The following TRIM25 variants were observed in gnomAD, a reference collection of about 807,000 sequenced individuals.
TRIM25 encodes tripartite motif containing 25, also known as E3 ubiquitin/ISG15 ligase TRIM25.
TRIM25 carries 45 observed loss-of-function variants against 65.2 expected under a neutral mutation model. The ratio of observed to expected loss-of-function variants is 0.69; its 90% confidence interval spans 0.54 to 0.89. The LOEUF is 0.89. Among genes scored for constraint, TRIM25 ranks in the 40% least tolerant of loss-of-function variants. TRIM25 has a pLI of 0.00. For synonymous variants in TRIM25, 321 were observed against 340.4 expected, an observed-to-expected ratio of 0.94 and a Z score of 0.63; for missense variants, 714 against 803.7, an observed-to-expected ratio of 0.89 and a Z score of 1.35.
rs181795303 is a variant in TRIM25, at chr17:56,889,989, T to C, written c.*1711A>G. 1.4e-4 allele frequency: 55 copies of C among 403,042 alleles called. No individual in the cohort carries two copies. Among genetic ancestry groups the C allele is most frequent in the Non-Finnish European group, 6.1e-5 (14 of 228,566 alleles). 25.0% of individuals were successfully genotyped at this position (403,042 alleles called of 1,614,324 possible). On this transcript the variant is annotated 3_prime_UTR_variant, in exon 9 of 9. Transcript: ENST00000316881. ...TAGGAGATGACACCGATCAGGTATG[T>C]ACCTGCATGTCAGGTGTGTAGCTGT...
At position 56,895,346 on chromosome 17, in the gene TRIM25, C is replaced by G; in HGVS notation, c.1360G>C (p.Glu454Gln). ...CACCAGCCCCGAAGCTACTCACACTCCAGGAGCTCAGGTCTGGACTTGGCC... is the reference window on the plus strand; with the variant it reads ...CACCAGCCCCGAAGCTACTCACACTGCAGGAGCTCAGGTCTGGACTTGGCC... ...FLAKSRPELL[E>Q]YYIKVILDYN... The change falls in exon 8 of 9, where the codon GAG becomes CAG. Residue 454 changes from glutamate to glutamine, a missense_variant. Physicochemically the swap from Glu to Gln is conservative, Grantham distance 29 (BLOSUM62 2). Coordinates refer to ENST00000316881, the MANE Select transcript of TRIM25 (RefSeq NM_005082.5). 1.2e-6 allele frequency: 2 copies of G among 1,613,682 alleles called. No homozygotes were observed. The highest frequency in any genetic ancestry group is 1.7e-6 in the Non-Finnish European group (2 of 1,179,720).
intron 1 of TRIM25, among the ~76,000 whole-genome samples, chr17:56,909,298 G>A (rs768925147): frequency 2.0e-5 from 3 of 152,072 alleles, no homozygotes; most frequent in Non-Finnish European, 4.4e-5. Context: ...CCCAGAACAA[G>A]GCTGGGAGCC....
chr17:56,892,254 T>C, intron 8 of TRIM25, 25 bp from the exon 9 acceptor site: 1 of 1,564,292 alleles, frequency 6.4e-7, no homozygotes, highest in Non-Finnish European at 8.7e-7. Flanking sequence ...CCCCAAGGAA[T>C]TAATTACAAG....
chr17:56,900,858 T>C (rs1909396327), intron 4 of TRIM25, among the ~76,000 whole-genome samples: 1 of 152,168 alleles, frequency 6.6e-6, no homozygotes, highest in Admixed American at 6.6e-5. Flanking sequence ...TCCCAGGACA[T>C]GAGCTCTGCA....
intron 3 of TRIM25, among the ~76,000 whole-genome samples, chr17:56,902,834 G>A (rs993943665): frequency 2.6e-5 from 4 of 152,278 alleles, no homozygotes; most frequent in South Asian, 4.1e-4. Flanking sequence ...TGTTCGTGTC[G>A]TGGGGGTGGA....
At chr17:56,896,510 A>G (rs1386952295) in intron 5 of TRIM25, among the ~76,000 whole-genome samples, 2 of 151,870 alleles carry the variant, frequency 1.3e-5, no homozygotes, top group East Asian at 3.9e-4. Context: ...AAAAAAAAAA[A>G]AAAGAAAAAA....
Position 56,888,494 on chromosome 17 carries a change from GTTTCT to G in TRIM25, c.*3201_*3205del, listed in dbSNP as rs1909102205. ...CCCATTGCTGGCCTGAACTATTTTTGTTTCTTTTTTTTTTTTAAAGCTTTTTATTA... is the reference window on the plus strand; with the variant it reads ...CCCATTGCTGGCCTGAACTATTTTTGTTTTTTTTTTTAAAGCTTTTTATTA... On this transcript the variant is annotated 3_prime_UTR_variant, in exon 9 of 9. Transcript: ENST00000316881. 1 of 106,366 alleles carries G rather than the reference GTTTCT, an allele frequency of 9.4e-6. No individual in the cohort carries two copies. Among genetic ancestry groups the G allele is most frequent in the South Asian group, 2.7e-4 (1 of 3,752 alleles). 6.6% of individuals were successfully genotyped at this position (106,366 alleles called of 1,614,324 possible). A position where few individuals can be genotyped will look rare whatever the true frequency, so the allele number is the denominator to read the frequency against.
At chr17:56,904,585 T>C (rs1451458568) in intron 2 of TRIM25, 97 bp from the exon 3 acceptor site, 16 of 1,108,454 alleles carry the variant, frequency 1.4e-5, no homozygotes, top group Non-Finnish European at 2.1e-5. Flanking sequence ...CAGGAACTCT[T>C]ACCTGTACTT....
intron 4 of TRIM25, among the ~76,000 whole-genome samples, chr17:56,900,764 G>T (rs1909394467): frequency 6.6e-6 from 1 of 152,230 alleles, no homozygotes. Flanking sequence ...AACAGGGCTT[G>T]ACCTGGCATC....
At chr17:56,911,237 C>T (rs1161493547) in intron 1 of TRIM25, among the ~76,000 whole-genome samples, 1 of 151,892 alleles carries the variant, frequency 6.6e-6, no homozygotes, top group Non-Finnish European at 1.5e-5. Context: ...TACTGTAGTC[C>T]AGCCTGGGTG....
intron 3 of TRIM25, among the ~76,000 whole-genome samples, chr17:56,902,776 C>T (rs149859961): frequency 3.2e-4 from 48 of 152,300 alleles, no homozygotes; most frequent in Middle Eastern, 6.8e-3. Flanking sequence ...CTCCAAATCT[C>T]ATGTTGGAAT....
chr17:56,909,328 A>G (rs561966806), intron 1 of TRIM25, among the ~76,000 whole-genome samples: 1 of 152,266 alleles, frequency 6.6e-6, no homozygotes, highest in Admixed American at 6.5e-5. Context: ...CTCACAGGGC[A>G]GGGAGACAGA....
At chr17:56,907,973 G>A (rs1909552837) in intron 2 of TRIM25, among the ~76,000 whole-genome samples, 1 of 152,208 alleles carries the variant, frequency 6.6e-6, no homozygotes, top group Admixed American at 6.5e-5. Context: ...AAGAAGCAAA[G>A]AAGGGTTCTC....
intron 3 of TRIM25, 57 bp downstream of exon 3, chr17:56,904,198 C>T (rs1271358637): frequency 6.8e-7 from 1 of 1,466,650 alleles, no homozygotes; most frequent in Non-Finnish European, 9.4e-7. Flanking sequence ...TCATCAACAG[C>T]ATGACATCAG....
At position 56,896,397 on chromosome 17, in the gene TRIM25, G is replaced by C. The variant is rs1483105488; in HGVS notation, c.1154-445C>G. ...CTGGGCGCATGGTGGCTCATGCCTG[G>C]AATCCCAGCAATTTGGGAGGCCAAG... On this transcript the variant is annotated intron_variant, in intron 5 of 8. Coordinates refer to ENST00000316881, the MANE Select transcript of TRIM25 (RefSeq NM_005082.5). Among the ~76,000 whole-genome samples, 3 of 151,184 alleles carry C rather than the reference G, an allele frequency of 2.0e-5. No homozygotes were observed. In the East Asian group the frequency reaches 5.8e-4, roughly 29 times the overall value.
In TRIM25 at chr17:56,913,693, G is replaced by T; in HGVS notation, c.296C>A (p.Pro99His). ...GCAGGCCACCTGGGCATTCGGGCTG[G>T]GTGCAGAGGCGCGGGCGGGCGGCGT... Reference protein sequence around the residue: ...VWTPPARASAPSPNAQVACDH... With the variant: ...VWTPPARASAHSPNAQVACDH... Residue 99 changes from proline (P) to histidine (H), a missense_variant, in exon 1 of 9, where the codon CCC becomes CAC. This residue lies in a region of TRIM25 where 291 missense variants were observed against 281.8 expected (regional missense o/e 1.03). Transcript: ENST00000316881. This position sits in a 1 kb window ranked among gnomAD's most constrained non-coding sequence, Gnocchi z 6.1. The T allele has an allele frequency of 6.3e-7, 1 of 1,582,468 alleles. No individual in the cohort carries two copies. The highest frequency in any genetic ancestry group is 8.6e-7 in the Non-Finnish European group (1 of 1,164,468).
intron 6 of TRIM25, 43 bp from the exon 7 acceptor site, chr17:56,895,647 G>A (rs1216386547): frequency 6.6e-7 from 1 of 1,520,336 alleles, no homozygotes; most frequent in African/African-American, 1.4e-5. Context: ...GCAACGGGAT[G>A]GCCTCTACTC....
In TRIM25 at chr17:56,913,611, G is replaced by A. The variant is rs1190143431; in HGVS notation, c.378C>T (p.Phe126=). The change falls in exon 1 of 9, where the codon TTC becomes TTT. Residue 126 remains phenylalanine (F), a synonymous_variant. Transcript: ENST00000316881. This position sits in a 1 kb window ranked among gnomAD's most constrained non-coding sequence, Gnocchi z 6.1. ...VKTCLVCMAS[F]CQEHLQPHFD... ...AGTGCGGCTGCAGGTGCTCCTGACA[G>A]AAGGAGGCCATGCACACCAAGCACG... 6.2e-7 allele frequency: 1 copy of A among 1,607,548 alleles called. No homozygotes were observed. Among genetic ancestry groups the A allele is most frequent in the South Asian group, 1.1e-5 (1 of 90,302 alleles).
At chr17:56,898,124 C>G (rs1909329736) in intron 5 of TRIM25, among the ~76,000 whole-genome samples, 1 of 152,138 alleles carries the variant, frequency 6.6e-6, no homozygotes, top group African/African-American at 2.4e-5. Context: ...ATGGACATGT[C>G]AGTGGTATAT....
Sources: gnomAD v4.1 joint callset for allele counts (sites outside exome capture counted in the v4.1 genomes callset) on GRCh38, gnomAD v4.1.1 for gene constraint, gnomAD v4.1.1 regional missense constraint, Gnocchi (gnomAD v3.1) non-coding constraint, MANE v1.5 for transcripts, NCBI Gene and HGNC (gene_info 2026-07-23, HGNC 2026-07-21) for gene names.